PCNX2: variants seen among roughly 807,000 people sequenced by gnomAD.
The protein encoded by PCNX2 is pecanex 2.
PCNX2 carries 168 observed loss-of-function variants against 223.8 expected under a neutral mutation model. The observed-to-expected ratio is 0.75, with a 90% CI of 0.66 to 0.85. The LOEUF (loss-of-function observed/expected upper bound fraction) is 0.85. Ranked by LOEUF, PCNX2 falls within the 40% of genes least tolerant of loss-of-function variation. PCNX2 has a pLI of 0.00. For missense variants in PCNX2, 2,507 were observed against 2,675.5 expected (o/e 0.94, Z 1.39); for synonymous variants, 1,006 against 1,052.6 (o/e 0.96, Z 0.86).
the PCNX2 span, among the ~76,000 whole-genome samples, chr1:233,320,371 GTA>G: frequency 4.1e-4 from 62 of 151,772 alleles, no homozygotes; most frequent in Non-Finnish European, 2.8e-4. Context: ...GTGTGTGTGT[GTA>G]TATTTAGTTC....
At chr1:233,024,269 C>G (rs1558170860) in intron 26 of PCNX2, among the ~76,000 whole-genome samples, 1 of 152,172 alleles carries the variant, frequency 6.6e-6, no homozygotes, top group Non-Finnish European at 1.5e-5. Context: ...ACTTTAGGTG[C>G]CAAGTTATCT....
At chr1:232,992,359 C>T (rs763187995) in intron 32 of PCNX2, among the ~76,000 whole-genome samples, 7 of 152,180 alleles carry the variant, frequency 4.6e-5, no homozygotes, top group Non-Finnish European at 8.8e-5. Context: ...TTTGCCTGCT[C>T]GTGGGGCCAG....
intron 21 of PCNX2, chr1:233,134,723 T>A (rs1004462314): frequency 1.1e-5 from 5 of 466,742 alleles, no homozygotes; most frequent in East Asian, 1.1e-4. Context: ...TTTTAAGATC[T>A]AGGGAAATCT....
chr1:233,285,562 C>A (rs765661187), intron 1 of PCNX2, among the ~76,000 whole-genome samples: 1 of 152,082 alleles, frequency 6.6e-6, no homozygotes, highest in Non-Finnish European at 1.5e-5. Context: ...GTAATCCCAG[C>A]TACTCTGGAG....
chr1:233,147,885 G>A (rs1009811533), intron 19 of PCNX2, among the ~76,000 whole-genome samples: 1 of 152,186 alleles, frequency 6.6e-6, no homozygotes, highest in Non-Finnish European at 1.5e-5. Flanking sequence ...GGAGCTCTAC[G>A]TTGGACTTTT....
chr1:233,122,034 T>C (rs1675822864), intron 21 of PCNX2, among the ~76,000 whole-genome samples: 1 of 150,548 alleles, frequency 6.6e-6, no homozygotes, highest in Admixed American at 6.7e-5. Flanking sequence ...TATGTGAGGA[T>C]GAGCCTAGAT....
At chr1:233,058,143 CT>C in intron 23 of PCNX2, 1 of 801,972 alleles carries the variant, frequency 1.2e-6, no homozygotes, top group Non-Finnish European at 1.5e-6. Context: ...CAGTGCACAG[CT>C]TTTGTAAGGC....
intron 25 of PCNX2, among the ~76,000 whole-genome samples, chr1:233,026,504 G>C (rs1030751500): frequency 6.6e-6 from 1 of 152,126 alleles, no homozygotes; most frequent in Non-Finnish European, 1.5e-5. Context: ...AAGGACTGTC[G>C]AGGGAACAAG....
chr1:233,098,718 T>C (rs1674315857), intron 21 of PCNX2, among the ~76,000 whole-genome samples: 2 of 152,304 alleles, frequency 1.3e-5, no homozygotes, highest in Admixed American at 6.5e-5. Flanking sequence ...AAAGGATGTG[T>C]TCTAGATGAG....
intron 23 of PCNX2, among the ~76,000 whole-genome samples, chr1:233,083,165 C>T (rs888962439): frequency 2.6e-5 from 4 of 152,138 alleles, no homozygotes; most frequent in African/African-American, 9.7e-5. Flanking sequence ...ATTAGATGAC[C>T]TCTGGAGCAA....
intron 8 of PCNX2, among the ~76,000 whole-genome samples, chr1:233,244,147 C>G (rs1419239604): frequency 6.6e-6 from 1 of 152,128 alleles, no homozygotes; most frequent in Non-Finnish European, 1.5e-5. Context: ...ATTTTTAAAG[C>G]AAACCAGTGA....
In PCNX2 at chr1:232,998,237, C is replaced by T. The variant is rs775998851; in HGVS notation, c.5791+14G>A. ...GGACTTCATCGATAGTTTGGAGGCCCCTGCTGCACCCACCTGTTCTCTGTG... is the reference window on the plus strand; with the variant it reads ...GGACTTCATCGATAGTTTGGAGGCCTCTGCTGCACCCACCTGTTCTCTGTG... On this transcript the variant is annotated intron_variant, in intron 32 of 33. Transcript: ENST00000258229. 16 of 1,524,202 alleles carry T rather than the reference C, an allele frequency of 1.0e-5. No individual in the cohort carries two copies. Among genetic ancestry groups the T allele is most frequent in the Non-Finnish European group, 1.4e-5 (16 of 1,137,412 alleles). 94.4% of individuals were successfully genotyped at this position (1,524,202 alleles called of 1,614,324 possible).
chr1:233,028,116 T>A (rs750775808), intron 25 of PCNX2, among the ~76,000 whole-genome samples: 4 of 152,250 alleles, frequency 2.6e-5, no homozygotes, highest in Non-Finnish European at 4.4e-5. Flanking sequence ...ATTATTTCAG[T>A]CTCTTGAAAT....
chr1:233,262,040 C>A lies in PCNX2; in HGVS notation c.480+5G>T. ...GAGGGTGAAACAGGAAAGAAGACCA[C>A]TAACCAATGGCCCAGAAGAGTGATG... On this transcript the variant is annotated splice_donor_5th_base_variant and intron_variant, in intron 3 of 33. Transcript: ENST00000258229. The A allele has an allele frequency of 2.5e-6, 4 of 1,613,638 alleles. No homozygotes were observed. Among genetic ancestry groups the A allele is most frequent in the Non-Finnish European group, 3.4e-6 (4 of 1,179,652 alleles).
intron 21 of PCNX2, among the ~76,000 whole-genome samples, chr1:233,132,094 G>A (rs1175092611): frequency 2.0e-5 from 3 of 151,848 alleles, no homozygotes; most frequent in African/African-American, 4.8e-5. Context: ...CCGCCACCAC[G>A]CCCGGCTAAA....
chr1:233,107,838 T>C (rs143000815), intron 21 of PCNX2, among the ~76,000 whole-genome samples: 434 of 152,218 alleles, frequency 2.9e-3, no homozygotes, highest in Admixed American at 4.5e-3. Context: ...TCCCAGACAC[T>C]TAAGGCATCC....
chr1:233,324,362 A>AT, the PCNX2 span, among the ~76,000 whole-genome samples: 1 of 152,228 alleles, frequency 6.6e-6, no homozygotes, highest in Non-Finnish European at 1.5e-5. Context: ...TTGGAAGAAG[A>AT]TGCCATCTAG....
intron 15 of PCNX2, among the ~76,000 whole-genome samples, chr1:233,193,900 G>A (rs1354437820): frequency 6.6e-6 from 1 of 152,010 alleles, no homozygotes; most frequent in Non-Finnish European, 1.5e-5. Context: ...AAAGACTATA[G>A]CATACAAATG....
chr1:233,007,281 G>T (rs113323553), intron 28 of PCNX2, among the ~76,000 whole-genome samples: 3,471 of 151,582 alleles, frequency 0.023, 144 homozygotes, highest in African/African-American at 0.078. Flanking sequence ...TGACTTGTGG[G>T]TCACTAAGCG....
Sources: allele counts gnomAD v4.1 joint callset (sites outside exome capture counted in the v4.1 genomes callset), GRCh38; gene constraint gnomAD v4.1.1; transcripts MANE v1.5; gene names NCBI Gene and HGNC (gene_info 2026-07-23, HGNC 2026-07-21).